The following KCNQ5 variants were observed in gnomAD, a reference collection of about 807,000 sequenced individuals.
KCNQ5 encodes the protein potassium voltage-gated channel subfamily Q member 5, also known as potassium voltage-gated channel subfamily KQT member 5.
Under a neutral mutation model 98.2 loss-of-function variants are expected in KCNQ5, and 30 were observed. That is an observed-to-expected ratio of 0.31 (90% CI 0.23 to 0.41). KCNQ5 has a LOEUF of 0.41. Among genes scored for constraint, KCNQ5 ranks in the 10% least tolerant of loss-of-function variants. The probability of loss-of-function intolerance (pLI) is 1.00; values close to 1 mark genes in which losing one functional copy is unlikely to be tolerated. For missense variants in KCNQ5, 835 were observed against 1,182.5 expected (o/e 0.71, Z 4.31); for synonymous variants, 458 against 449.4 (o/e 1.02, Z -0.24).
chr6:73,170,296 C>T (rs1280601725), intron 11 of KCNQ5, among the ~76,000 whole-genome samples: 3 of 152,050 alleles, frequency 2.0e-5, no homozygotes, highest in Non-Finnish European at 4.4e-5. Flanking sequence ...TTTGCAGTGA[C>T]TTAGTCTTAT....
At chr6:72,840,787 G>A (rs933747974) in intron 1 of KCNQ5, among the ~76,000 whole-genome samples, 1 of 152,180 alleles carries the variant, frequency 6.6e-6, no homozygotes, top group Non-Finnish European at 1.5e-5. Context: ...TGAAGTTTAT[G>A]ATCCACGGAC....
At chr6:73,081,222 A>G (rs899109732) in intron 5 of KCNQ5, among the ~76,000 whole-genome samples, 2 of 152,208 alleles carry the variant, frequency 1.3e-5, no homozygotes, top group Non-Finnish European at 2.9e-5. Context: ...GTGGCAACTA[A>G]AGTTGCATTG....
intron 11 of KCNQ5, 95 bp from the exon 12 acceptor site, chr6:73,190,478 C>A (rs994177246): frequency 5.9e-5 from 35 of 592,056 alleles, no homozygotes; most frequent in Non-Finnish European, 2.5e-6. Flanking sequence ...ATGACTTTTC[C>A]CCCCAGAGTT....
Position 72,852,640 on chromosome 6 carries a change from A to AATAAATAAATAAATATATATAT in KCNQ5, c.399-151265_399-151264insAATAAATAAATATATATATATA, listed in dbSNP as rs1026407821. Among the ~76,000 whole-genome samples the AATAAATAAATAAATATATATAT allele has an allele frequency of 7.0e-5, 4 of 56,802 alleles. 1 individual carries two copies. In the South Asian group the frequency reaches 2.1e-3, roughly 30 times the overall value. The allele number at this position is 56,802 out of a possible 152,430, so 37.3% of individuals were successfully genotyped here. ...AGTGGAGAGAAGGAGATGAAGGGGAAATATATATATATATATATATAAATG... is the reference window on the plus strand; with the variant it reads ...AGTGGAGAGAAGGAGATGAAGGGGAAATAAATAAATAAATATATATATATATATATATATATATATATAAATG... On this transcript the variant is annotated intron_variant, in intron 1 of 13. Transcript: ENST00000370398.
At chr6:73,069,015 A>T (rs140538838) in intron 3 of KCNQ5, among the ~76,000 whole-genome samples, 2,407 of 152,306 alleles carry the variant, frequency 0.016, 25 homozygotes, top group Non-Finnish European at 0.018. Flanking sequence ...CCTTGCCAAC[A>T]TTGACAATTC....
At chr6:73,035,125 G>C (rs1012143662) in intron 2 of KCNQ5, among the ~76,000 whole-genome samples, 1 of 152,036 alleles carries the variant, frequency 6.6e-6, no homozygotes, top group Non-Finnish European at 1.5e-5. Flanking sequence ...GATTACAGGT[G>C]TGAACCACCG....
At chr6:72,774,480 A>G in intron 1 of KCNQ5, among the ~76,000 whole-genome samples, 1 of 152,176 alleles carries the variant, frequency 6.6e-6, no homozygotes, top group East Asian at 1.9e-4. Flanking sequence ...GTGCTATATT[A>G]GATTACATTA....
At chr6:73,063,618 G>C (rs1372067058) in intron 3 of KCNQ5, among the ~76,000 whole-genome samples, 1 of 151,444 alleles carries the variant, frequency 6.6e-6, no homozygotes, top group African/African-American at 2.4e-5. Context: ...TATGTGACCT[G>C]TTTGGTTAAT....
intron 10 of KCNQ5, among the ~76,000 whole-genome samples, chr6:73,161,828 C>A (rs987383248): frequency 4.6e-5 from 7 of 152,150 alleles, no homozygotes; most frequent in African/African-American, 1.2e-4. Flanking sequence ...ATCTCAAGTC[C>A]AAGTGGCCCT....
rs1008148617 is a variant in KCNQ5 at position 72,650,027 on chromosome 6, G to A, written c.398+27440G>A. Among the ~76,000 whole-genome samples, 5 of 151,988 alleles carry A rather than the reference G, an allele frequency of 3.3e-5. No homozygotes were observed. The South Asian group carries it at 1.0e-3, about 32-fold the overall frequency. On this transcript the variant is annotated intron_variant, in intron 1 of 13. Transcript: ENST00000370398. The stretch of plus-strand genomic sequence containing the variant: ...TTTACTCATTATTTACACAGCTAAT[G>A]ACTGTTTTATAATGTTAAACTCAAC...
At chr6:73,001,499 CAT>C (rs761156836) in intron 1 of KCNQ5, among the ~76,000 whole-genome samples, 48 of 152,284 alleles carry the variant, frequency 3.2e-4, no homozygotes, top group Middle Eastern at 6.8e-3. Context: ...CGAGCACAGA[CAT>C]AGATTATAAA....
intron 1 of KCNQ5, among the ~76,000 whole-genome samples, chr6:72,644,279 T>G (rs2154472127): frequency 6.6e-6 from 1 of 152,320 alleles, no homozygotes; most frequent in South Asian, 2.1e-4. Flanking sequence ...ATACATTATT[T>G]AATATATATT....
intron 1 of KCNQ5, among the ~76,000 whole-genome samples, chr6:72,926,461 T>C (rs1765423757): frequency 6.6e-6 from 1 of 152,186 alleles, no homozygotes; most frequent in African/African-American, 2.4e-5. Context: ...ATGATCATTA[T>C]TTCTGATCAT....
intron 1 of KCNQ5, among the ~76,000 whole-genome samples, chr6:72,996,534 A>G (rs997458248): frequency 1.3e-5 from 2 of 152,214 alleles, no homozygotes; most frequent in African/African-American, 4.8e-5. Flanking sequence ...GTAGGGTCCA[A>G]GTACACAGAT....
chr6:73,003,085 C>T (rs186424209), intron 1 of KCNQ5, among the ~76,000 whole-genome samples: 19 of 152,118 alleles, frequency 1.2e-4, no homozygotes, highest in African/African-American at 4.3e-4. Context: ...CACTGCCTTT[C>T]AAAATAAGTA....
intron 1 of KCNQ5, among the ~76,000 whole-genome samples, chr6:72,768,755 C>CTGTGTG (rs138166404): frequency 1.7e-4 from 26 of 151,442 alleles, no homozygotes; most frequent in African/African-American, 6.1e-4. Flanking sequence ...TTTAAAACCA[C>CTGTGTG]TGTGTGTGTG....
intron 2 of KCNQ5, among the ~76,000 whole-genome samples, chr6:73,020,107 A>T (rs903870912): frequency 6.6e-6 from 1 of 152,160 alleles, no homozygotes; most frequent in African/African-American, 2.4e-5. Context: ...AGTGGACACC[A>T]GCTGGGTGTC....
intron 5 of KCNQ5, among the ~76,000 whole-genome samples, chr6:73,093,663 C>T (rs1442676241): frequency 6.6e-6 from 1 of 152,106 alleles, no homozygotes; most frequent in Non-Finnish European, 1.5e-5. Context: ...TCATTTTTGG[C>T]CCAATGATCA....
intron 1 of KCNQ5, among the ~76,000 whole-genome samples, chr6:72,714,006 T>C (rs111600783): frequency 0.013 from 2,034 of 152,324 alleles, 33 homozygotes; most frequent in African/African-American, 0.042. Flanking sequence ...TTCCCCTACG[T>C]GCAAGATAAA....
Sources: allele counts gnomAD v4.1 joint callset (sites outside exome capture counted in the v4.1 genomes callset), GRCh38; gene constraint gnomAD v4.1.1; transcripts MANE v1.5; gene names NCBI Gene and HGNC (gene_info 2026-07-23, HGNC 2026-07-21).